Variants in TMEM132D observed in about 807,000 individuals in gnomAD.
TMEM132D encodes transmembrane protein 132D.
TMEM132D carries 21 observed loss-of-function variants against 62.3 expected under a neutral mutation model. That is an observed-to-expected ratio of 0.34 (90% CI 0.24 to 0.49). The LOEUF (loss-of-function observed/expected upper bound fraction) is 0.49, where lower values mean the gene tolerates loss of function less well. Ranked by LOEUF, TMEM132D falls within the 20% of genes least tolerant of loss-of-function variation. TMEM132D has a pLI of 0.99. For synonymous variants in TMEM132D, 621 were observed against 575.6 expected, an observed-to-expected ratio of 1.08 and a Z score of -1.13; for missense variants, 1,346 against 1,402.8, an observed-to-expected ratio of 0.96 and a Z score of 0.65.
At chr12:129,493,768 T>C (rs1593036737) in intron 3 of TMEM132D, among the ~76,000 whole-genome samples, 1 of 152,170 alleles carries the variant, frequency 6.6e-6, no homozygotes, top group Non-Finnish European at 1.5e-5. Context: ...CCGATTAATC[T>C]GGGAAGCCAA....
chr12:129,678,699 T>C (rs1269149445), intron 2 of TMEM132D, among the ~76,000 whole-genome samples: 2 of 152,124 alleles, frequency 1.3e-5, no homozygotes, highest in African/African-American at 4.8e-5. Flanking sequence ...AAAGTCTAAA[T>C]CCTTTTCTCT....
At chr12:129,785,570 G>C (rs1006362972) in intron 1 of TMEM132D, among the ~76,000 whole-genome samples, 27 of 152,172 alleles carry the variant, frequency 1.8e-4, no homozygotes, top group Non-Finnish European at 3.4e-4. Flanking sequence ...GTAACTTTTA[G>C]AAACCACAGA....
chr12:129,589,668 G>T (rs1440623409), intron 2 of TMEM132D, among the ~76,000 whole-genome samples: 2 of 152,130 alleles, frequency 1.3e-5, no homozygotes. Flanking sequence ...CCTTTGGTTG[G>T]CTGCTTGATG....
At chr12:129,181,034 A>G (rs939391850) in intron 5 of TMEM132D, among the ~76,000 whole-genome samples, 15 of 152,106 alleles carry the variant, frequency 9.9e-5, no homozygotes, top group African/African-American at 3.4e-4. Context: ...GGATGCTGCC[A>G]TTATCGGGGA....
At chr12:129,569,204 A>G (rs75083584) in intron 2 of TMEM132D, among the ~76,000 whole-genome samples, 1,701 of 152,302 alleles carry the variant, frequency 0.011, 20 homozygotes, top group African/African-American at 0.038. Flanking sequence ...GATCAATGAG[A>G]TCTCAAATGG....
intron 1 of TMEM132D, among the ~76,000 whole-genome samples, chr12:129,882,125 C>T (rs1347924217): frequency 6.6e-6 from 1 of 151,914 alleles, no homozygotes; most frequent in Admixed American, 6.6e-5. Flanking sequence ...AGAAATTGAA[C>T]TTACAATTTA....
At chr12:129,388,140 T>C (rs61945697) in intron 3 of TMEM132D, among the ~76,000 whole-genome samples, 1,451 of 55,990 alleles carry the variant, frequency 0.026, no homozygotes, top group Non-Finnish European at 0.043. Flanking sequence ...ATATGAACAC[T>C]AACATGAGTC....
chr12:129,624,560 G>A (rs1879161899), intron 2 of TMEM132D, among the ~76,000 whole-genome samples: 1 of 152,236 alleles, frequency 6.6e-6, no homozygotes, highest in Non-Finnish European at 1.5e-5. Flanking sequence ...CAGCACAGTG[G>A]CATCCAGTGA....
intron 2 of TMEM132D, among the ~76,000 whole-genome samples, chr12:129,592,991 GTGGACACC>G (rs894228913): frequency 5.3e-5 from 8 of 152,138 alleles, no homozygotes; most frequent in African/African-American, 1.9e-4. Context: ...ACACAGGAGG[GTGGACACC>G]TGGGTAAATT....
intron 1 of TMEM132D, among the ~76,000 whole-genome samples, chr12:129,738,842 C>CT (rs1869510256): frequency 6.6e-6 from 1 of 152,166 alleles, no homozygotes; most frequent in South Asian, 2.1e-4. Flanking sequence ...TGCGAGATAA[C>CT]TTTATCTGTA....
At chr12:129,893,489 C>A (rs1457068911) in intron 1 of TMEM132D, among the ~76,000 whole-genome samples, 1 of 149,216 alleles carries the variant, frequency 6.7e-6, no homozygotes, top group Non-Finnish European at 1.5e-5. Context: ...TCTGAAGCCA[C>A]AGAGACAGGC....
intron 3 of TMEM132D, among the ~76,000 whole-genome samples, chr12:129,514,490 A>G (rs1335650774): frequency 6.6e-6 from 1 of 152,220 alleles, no homozygotes; most frequent in Non-Finnish European, 1.5e-5. Context: ...TGTTGCGTGT[A>G]GAGCACAGGG....
At chr12:129,551,055 A>C (rs1876880278) in intron 2 of TMEM132D, among the ~76,000 whole-genome samples, 1 of 152,122 alleles carries the variant, frequency 6.6e-6, no homozygotes, top group Admixed American at 6.5e-5. Context: ...CCAGTCTGAA[A>C]CCCCAACGGG....
Position 129,803,236 on chromosome 12 carries a change from A to G in TMEM132D, c.79+100025T>C, listed in dbSNP as rs550521930. ...TCCACCCCAAATCAACAGAATATAC[A>G]TTTTTTTCAGCACCACACCACACCT... is the stretch of plus-strand genomic sequence containing the variant. On this transcript the variant is annotated intron_variant, in intron 1 of 8. Coordinates refer to ENST00000422113, the MANE Select transcript of TMEM132D (RefSeq NM_133448.3). Among the ~76,000 whole-genome samples, 45 of 149,112 alleles carry G rather than the reference A, an allele frequency of 3.0e-4. No homozygotes were observed. In the East Asian group the frequency reaches 8.4e-3, roughly 28 times the overall value.
At chr12:129,744,100 T>A (rs985944193) in intron 1 of TMEM132D, among the ~76,000 whole-genome samples, 1 of 152,194 alleles carries the variant, frequency 6.6e-6, no homozygotes, top group Admixed American at 6.5e-5. Context: ...ACTGTGTGGA[T>A]AAGTGACCTC....
At chr12:129,806,665 C>T (rs867224063) in intron 1 of TMEM132D, among the ~76,000 whole-genome samples, 50 of 151,206 alleles carry the variant, frequency 3.3e-4, no homozygotes, top group African/African-American at 1.0e-3. Context: ...GCACAATGTG[C>T]ACATGTACCC....
chr12:129,518,568 C>T (rs534627272), intron 3 of TMEM132D, among the ~76,000 whole-genome samples: 18,236 of 95,482 alleles, frequency 0.19, 1,503 homozygotes, highest in Admixed American at 0.39. Flanking sequence ...TATATATATA[C>T]ACACACACAC....
chr12:129,612,153 T>G (rs932682382), intron 2 of TMEM132D, among the ~76,000 whole-genome samples: 1 of 152,084 alleles, frequency 6.6e-6, no homozygotes, highest in South Asian at 2.1e-4. Flanking sequence ...GGCTGTAACA[T>G]CCATCACATT....
chr12:129,403,666 A>C (rs952097958), intron 3 of TMEM132D, among the ~76,000 whole-genome samples: 9 of 152,172 alleles, frequency 5.9e-5, no homozygotes, highest in African/African-American at 1.9e-4. Context: ...AACACGGGGA[A>C]AACGAGAGCA....
Sources: gnomAD v4.1 joint callset for allele counts (sites outside exome capture counted in the v4.1 genomes callset) on GRCh38, gnomAD v4.1.1 for gene constraint, MANE v1.5 for transcripts, NCBI Gene and HGNC (gene_info 2026-07-23, HGNC 2026-07-21) for gene names.